Variants in DIP2B observed in about 807,000 individuals in gnomAD.
The protein encoded by DIP2B is disco-interacting protein 2 homolog B.
DIP2B carries 76 observed loss-of-function variants against 198.0 expected under a neutral mutation model. The observed-to-expected ratio is 0.38, with a 90% CI of 0.32 to 0.46. The LOEUF is 0.46. Among genes scored for constraint, DIP2B ranks in the 20% least tolerant of loss-of-function variants. DIP2B has a pLI of 0.99. For synonymous variants in DIP2B, 701 were observed against 739.1 expected, an observed-to-expected ratio of 0.95 and a Z score of 0.84; for missense variants, 1,559 against 1,978.4, an observed-to-expected ratio of 0.79 and a Z score of 4.02.
intron 1 of DIP2B, among the ~76,000 whole-genome samples, chr12:50,511,219 C>T (rs904251883): frequency 1.3e-5 from 2 of 151,386 alleles, no homozygotes; most frequent in Admixed American, 6.6e-5. Flanking sequence ...GCTGGGATTA[C>T]AGGTGTGAGC....
At chr12:50,703,998 T>G in intron 19 of DIP2B, 142 bp from the exon 20 acceptor site, 3 of 543,936 alleles carry the variant, frequency 5.5e-6, no homozygotes, top group Non-Finnish European at 9.3e-6. Context: ...TAATTATTTC[T>G]TATCTCTAAA....
chr12:50,591,977 A>G lies in DIP2B; in HGVS notation c.101-33999A>G, dbSNP rs371160352. 2.0e-4 allele frequency among the ~76,000 whole-genome samples: 30 copies of G among 150,920 alleles called. No homozygotes were observed. The East Asian group carries it at 5.9e-3, about 29-fold the overall frequency. On this transcript the variant is annotated intron_variant, in intron 1 of 37. Transcript: ENST00000301180. ...ACTGTAACCTCTGCCTCCCGGGTTC[A>G]AGTGATTCTCCTGCCTCAGCCTCCC...
At chr12:50,596,014 G>A (rs1958875877) in intron 1 of DIP2B, among the ~76,000 whole-genome samples, 1 of 152,280 alleles carries the variant, frequency 6.6e-6, no homozygotes, top group Admixed American at 6.5e-5. Flanking sequence ...CAGTAAAGCA[G>A]AATAATTTGA....
chr12:50,711,156 A>G (rs1250473457), intron 22 of DIP2B, among the ~76,000 whole-genome samples: 1 of 152,212 alleles, frequency 6.6e-6, no homozygotes, highest in African/African-American at 2.4e-5. Flanking sequence ...TTGGGTTCCA[A>G]TTTGGGCATG....
At position 50,698,579 on chromosome 12, in the gene DIP2B, G is replaced by T. The variant is rs138044361; in HGVS notation, c.2188+112G>T. The T allele has an allele frequency of 1.9e-3, 2,525 of 1,305,848 alleles. 5 individuals carry two copies. The highest frequency in any genetic ancestry group is 2.3e-3 in the Non-Finnish European group (2,249 of 975,066). The allele number at this position is 1,305,848 out of a possible 1,614,324, so 80.9% of individuals were successfully genotyped here. On this transcript the variant is annotated intron_variant, in intron 18 of 37. Transcript: ENST00000301180. ...AGGAACCCTTAATTCAGTACTTAAC[G>T]CATTTAATTTCTCAGAGCCTCTCTA...
chr12:50,646,311 C>T (rs1219938349), intron 3 of DIP2B, among the ~76,000 whole-genome samples: 4 of 151,556 alleles, frequency 2.6e-5, no homozygotes, highest in East Asian at 1.9e-4. Context: ...TTAATAGAGA[C>T]GGGGTTTCAC....
chr12:50,742,741 C>T (rs540449962), intron 37 of DIP2B, among the ~76,000 whole-genome samples: 2 of 152,150 alleles, frequency 1.3e-5, no homozygotes, highest in African/African-American at 4.8e-5. Flanking sequence ...ACTAAAAATA[C>T]AAAAATTAGC....
intron 9 of DIP2B, 138 bp downstream of exon 9, chr12:50,680,901 G>C: frequency 1.2e-6 from 1 of 863,228 alleles, no homozygotes; most frequent in Non-Finnish European, 1.8e-6. Context: ...AAATGGTTTG[G>C]TTCCAACGCA....
chr12:50,549,697 TAAAA>T (rs56326368), intron 1 of DIP2B, among the ~76,000 whole-genome samples: 1,662 of 64,780 alleles, frequency 0.026, 40 homozygotes, highest in African/African-American at 0.087. Context: ...GACTCCATCT[TAAAA>T]AAAAAAAAAA....
In DIP2B at chr12:50,505,180, G is replaced by A. The variant is rs1193179828; in HGVS notation, c.40G>A (p.Ala14Thr). The A allele has an allele frequency of 3.9e-6, 6 of 1,525,902 alleles. No individual in the cohort carries two copies. The Admixed American group carries it at 7.9e-5, about 20-fold the overall frequency. The allele number at this position is 1,525,902 out of a possible 1,614,324, so 94.5% of individuals were successfully genotyped here. A position where few individuals can be genotyped will look rare whatever the true frequency, so the allele number is the denominator to read the frequency against. ...RGLEPSPAAV[A>T]ALPPEVRAQL... is the part of the protein sequence containing the mutation. ...CCTGGAGCCGTCGCCGGCCGCGGTG[G>A]CGGCGCTGCCGCCTGAAGTGCGGGC... The change falls in exon 1 of 38, where the codon GCG (alanine) becomes ACG (threonine). Residue 14 changes from alanine (A) to threonine (T), a missense_variant. By Grantham distance (58) the Ala-to-Thr change is moderately conservative (BLOSUM62 0). Transcript: ENST00000301180.
intron 1 of DIP2B, among the ~76,000 whole-genome samples, chr12:50,600,553 T>C (rs1958925581): frequency 6.6e-6 from 1 of 152,086 alleles, no homozygotes; most frequent in African/African-American, 2.4e-5. Context: ...AGATCATCTT[T>C]CCCCCTGTTG....
At chr12:50,730,376 CTCTCTCTT>C (rs1211054398) in intron 30 of DIP2B, among the ~76,000 whole-genome samples, 43 of 110,436 alleles carry the variant, frequency 3.9e-4, no homozygotes, top group Middle Eastern at 5.2e-3. Context: ...TTCTTTCTCT[CTCTCTCTT>C]TTTTTTTTTT....
intron 23 of DIP2B, 101 bp downstream of exon 23, chr12:50,714,697 T>G: frequency 7.0e-7 from 1 of 1,435,258 alleles, no homozygotes; most frequent in Non-Finnish European, 9.5e-7. Flanking sequence ...ACAAAGACTT[T>G]GGGAGGCCAA....
chr12:50,512,786 G>A (rs1183392437), intron 1 of DIP2B, among the ~76,000 whole-genome samples: 1 of 152,130 alleles, frequency 6.6e-6, no homozygotes, highest in Non-Finnish European at 1.5e-5. Context: ...CGGGTGGATT[G>A]CCTGAGCTCA....
intron 1 of DIP2B, among the ~76,000 whole-genome samples, chr12:50,506,274 C>T (rs1957967925): frequency 6.6e-6 from 1 of 152,126 alleles, no homozygotes; most frequent in South Asian, 2.1e-4. Flanking sequence ...TACTGAGTTC[C>T]TTGTGGAAGG....
intron 3 of DIP2B, among the ~76,000 whole-genome samples, chr12:50,656,412 C>G (rs554993753): frequency 1.3e-5 from 2 of 152,056 alleles, no homozygotes; most frequent in South Asian, 4.1e-4. Context: ...GGAACTGTGT[C>G]CAAAGGACAT....
At chr12:50,730,494 C>G (rs1290151929) in intron 30 of DIP2B, among the ~76,000 whole-genome samples, 4 of 151,810 alleles carry the variant, frequency 2.6e-5, no homozygotes, top group African/African-American at 9.7e-5. Flanking sequence ...ATCCTCCCAC[C>G]TCAGCCTCCC....
intron 1 of DIP2B, among the ~76,000 whole-genome samples, chr12:50,518,775 GA>G (rs1958089350): frequency 1.3e-5 from 2 of 151,436 alleles, no homozygotes; most frequent in African/African-American, 2.4e-5. Context: ...GTTTTTTTGA[GA>G]CAAGGTCTTG....
At chr12:50,621,975 C>A (rs1937823489) in intron 1 of DIP2B, among the ~76,000 whole-genome samples, 1 of 152,188 alleles carries the variant, frequency 6.6e-6, no homozygotes, top group Non-Finnish European at 1.5e-5. Context: ...GATGCCAAAT[C>A]TAACAGATTG....
Sources: gnomAD v4.1 joint callset for allele counts (sites outside exome capture counted in the v4.1 genomes callset) on GRCh38, gnomAD v4.1.1 for gene constraint, MANE v1.5 for transcripts, NCBI Gene and HGNC (gene_info 2026-07-23, HGNC 2026-07-21) for gene names.